Variants in LRIG1 observed in about 807,000 individuals in gnomAD.
LRIG1 encodes the protein leucine-rich repeats and immunoglobulin-like domains protein 1.
LRIG1 carries 48 observed loss-of-function variants against 99.2 expected under a neutral mutation model. That is an observed-to-expected ratio of 0.48 (90% CI 0.38 to 0.62). LRIG1 has a LOEUF of 0.62. LRIG1 is among the 20% of genes least tolerant of loss of function. LRIG1 has a pLI of 0.00. For missense variants in LRIG1, 1,646 were observed against 1,434.4 expected (o/e 1.15, Z -2.38); for synonymous variants, 772 against 596.1 (o/e 1.29, Z -4.30).
chr3:66,487,877 T>C (rs1293587341), intron 1 of LRIG1, among the ~76,000 whole-genome samples: 1 of 152,196 alleles, frequency 6.6e-6, no homozygotes, highest in Non-Finnish European at 1.5e-5. Context: ...ATTCCTAAAG[T>C]AGTCCCTAAT....
chr3:66,388,897 T>C (rs542842002), intron 12 of LRIG1, among the ~76,000 whole-genome samples: 7 of 152,232 alleles, frequency 4.6e-5, no homozygotes, highest in Non-Finnish European at 7.4e-5. Flanking sequence ...GGACATCATA[T>C]AGCAACTCCA....
chr3:66,425,836 G>T (rs1000433677), intron 3 of LRIG1, among the ~76,000 whole-genome samples: 11 of 152,208 alleles, frequency 7.2e-5, no homozygotes, highest in Non-Finnish European at 1.5e-4. Context: ...CCTGTTAAAG[G>T]CTTCAAAAAT....
chr3:66,484,169 C>T (rs1355156361), intron 1 of LRIG1, among the ~76,000 whole-genome samples: 2 of 152,150 alleles, frequency 1.3e-5, no homozygotes, highest in Non-Finnish European at 2.9e-5. Flanking sequence ...AAGGTATATT[C>T]AGGAAATACA....
chr3:66,405,701 C>T, intron 8 of LRIG1: 1 of 1,100,138 alleles, frequency 9.1e-7, no homozygotes, highest in South Asian at 2.3e-5. Flanking sequence ...CTGCAGAAAG[C>T]ACATGGAAGA....
At chr3:66,458,736 G>T (rs1475083907) in intron 2 of LRIG1, among the ~76,000 whole-genome samples, 1 of 151,942 alleles carries the variant, frequency 6.6e-6, no homozygotes, top group Non-Finnish European at 1.5e-5. Context: ...TTTATATCAG[G>T]CCAGGCGTGG....
intron 3 of LRIG1, among the ~76,000 whole-genome samples, chr3:66,430,537 G>C (rs183082349): frequency 2.0e-5 from 3 of 152,192 alleles, no homozygotes; most frequent in African/African-American, 7.2e-5. Flanking sequence ...TCCCCTGGGA[G>C]TTCCACGTGG....
chr3:66,488,915 C>T (rs898994732), intron 1 of LRIG1, among the ~76,000 whole-genome samples: 2 of 152,144 alleles, frequency 1.3e-5, no homozygotes, highest in Non-Finnish European at 2.9e-5. Flanking sequence ...CTGCAGTGGC[C>T]CTGAGAAAGG....
chr3:66,425,711 G>A (rs1203874841), intron 3 of LRIG1, among the ~76,000 whole-genome samples: 1 of 149,972 alleles, frequency 6.7e-6, no homozygotes, highest in Admixed American at 6.6e-5. Flanking sequence ...ACCGGGGGAA[G>A]TGTGTGGTGG....
At chr3:66,418,556 A>G (rs749431347) in intron 3 of LRIG1, among the ~76,000 whole-genome samples, 2 of 152,146 alleles carry the variant, frequency 1.3e-5, no homozygotes, top group African/African-American at 4.8e-5. Context: ...CCTCACTCCA[A>G]TATTAGACAC....
At chr3:66,417,799 A>G (rs188513199) in intron 3 of LRIG1, among the ~76,000 whole-genome samples, 2 of 100,988 alleles carry the variant, frequency 2.0e-5, no homozygotes, top group Non-Finnish European at 2.2e-5. Flanking sequence ...AGAAAAAGAA[A>G]AAAAAAAAAA....
rs375800191 is a variant in LRIG1, at chr3:66,492,582, T to C, written c.218+7608A>G. On this transcript the variant is annotated intron_variant, in intron 1 of 18. Transcript: ENST00000273261. Reference sequence around the variant, plus strand: ...AATGCAGATCATAAAAGATAAGAGATTAGAACTTTTGACCACAAAAGTTCA... The same window carrying C: ...AATGCAGATCATAAAAGATAAGAGACTAGAACTTTTGACCACAAAAGTTCA... 2.6e-5 allele frequency among the ~76,000 whole-genome samples: 4 copies of C among 152,256 alleles called. No individual in the cohort carries two copies. The East Asian group carries it at 5.8e-4, about 22-fold the overall frequency.
intron 1 of LRIG1, among the ~76,000 whole-genome samples, chr3:66,467,498 T>G (rs1700500975): frequency 6.6e-6 from 1 of 152,076 alleles, no homozygotes; most frequent in African/African-American, 2.4e-5. Context: ...TAGCTGGGAC[T>G]ACAGTCACCT....
intron 3 of LRIG1, among the ~76,000 whole-genome samples, chr3:66,443,158 T>C (rs745406559): frequency 7.2e-4 from 110 of 151,918 alleles, no homozygotes; most frequent in African/African-American, 2.2e-3. Flanking sequence ...TCTTTGTAAA[T>C]TGGGTGTTTA....
At chr3:66,436,956 G>T (rs984653183) in intron 3 of LRIG1, among the ~76,000 whole-genome samples, 2 of 152,238 alleles carry the variant, frequency 1.3e-5, no homozygotes, top group Admixed American at 6.5e-5. Context: ...CTGCAGGAAA[G>T]AAAGGTGCTC....
intron 13 of LRIG1, among the ~76,000 whole-genome samples, chr3:66,384,722 T>C (rs375960919): frequency 3.0e-4 from 46 of 152,258 alleles, no homozygotes; most frequent in African/African-American, 1.0e-3. Context: ...ATGGGATGAA[T>C]GGGATGGCTC....
At chr3:66,495,278 T>C (rs1421801472) in intron 1 of LRIG1, among the ~76,000 whole-genome samples, 2 of 152,182 alleles carry the variant, frequency 1.3e-5, no homozygotes, top group Non-Finnish European at 2.9e-5. Context: ...GAATTTTTCC[T>C]CCACCCGTCC....
chr3:66,475,936 G>A (rs972934841), intron 1 of LRIG1, among the ~76,000 whole-genome samples: 1 of 152,114 alleles, frequency 6.6e-6, no homozygotes. Flanking sequence ...CCACTACAAA[G>A]CCCCAAAACA....
At chr3:66,422,027 G>A (rs1311567582) in intron 3 of LRIG1, among the ~76,000 whole-genome samples, 2 of 152,212 alleles carry the variant, frequency 1.3e-5, no homozygotes, top group African/African-American at 4.8e-5. Flanking sequence ...AGCTACAGCT[G>A]GAGCAGCTGG....
At chr3:66,412,466 CT>C (rs964733289) in intron 6 of LRIG1, among the ~76,000 whole-genome samples, 21 of 152,370 alleles carry the variant, frequency 1.4e-4, no homozygotes, top group African/African-American at 5.0e-4. Context: ...ACTCAATCCG[CT>C]GAAACTTCCC....
Sources: gnomAD v4.1 joint callset for allele counts (sites outside exome capture counted in the v4.1 genomes callset) on GRCh38, gnomAD v4.1.1 for gene constraint, MANE v1.5 for transcripts, NCBI Gene and HGNC (gene_info 2026-07-23, HGNC 2026-07-21) for gene names.